Variants in EXT2 observed in about 807,000 individuals in gnomAD.
The protein encoded by EXT2 is exostosin-2.
A neutral mutation model predicts 81.6 loss-of-function variants in EXT2; 53 were observed. The ratio of observed to expected loss-of-function variants is 0.65; its 90% CI spans 0.52 to 0.82. The LOEUF (loss-of-function observed/expected upper bound fraction) is 0.82, where lower values mean the gene tolerates loss of function less well. Among genes scored for constraint, EXT2 ranks in the 40% least tolerant of loss-of-function variants. EXT2 has a pLI of 0.00. For synonymous variants in EXT2, 320 were observed against 340.0 expected (o/e 0.94, Z 0.65); for missense variants, 774 against 910.2 (o/e 0.85, Z 1.93).
At chr11:44,119,494 G>A (rs1278129412) in intron 4 of EXT2, among the ~76,000 whole-genome samples, 3 of 152,122 alleles carry the variant, frequency 2.0e-5, no homozygotes, top group African/African-American at 4.8e-5. Context: ...AAGGGAGCTC[G>A]TCAGAGACTT....
chr11:44,200,219 C>T (rs186365725), intron 9 of EXT2, among the ~76,000 whole-genome samples: 80 of 150,026 alleles, frequency 5.3e-4, no homozygotes, highest in Admixed American at 1.5e-3. Context: ...TTCGCTTTCT[C>T]TACATTTACT....
intron 12 of EXT2, 114 bp from the exon 13 acceptor site, chr11:44,236,179 A>C: frequency 1.2e-6 from 1 of 854,236 alleles, no homozygotes; most frequent in South Asian, 1.4e-5. Flanking sequence ...GTGTGTGTGC[A>C]CGCGCATGCA....
At chr11:44,242,019 C>T (rs1206121069) in intron 13 of EXT2, among the ~76,000 whole-genome samples, 1 of 152,190 alleles carries the variant, frequency 6.6e-6, no homozygotes, top group Non-Finnish European at 1.5e-5. Context: ...GGCCTGAGCC[C>T]CAGTGGCTTC....
chr11:44,217,135 A>G (rs1410951738), intron 10 of EXT2, among the ~76,000 whole-genome samples: 1 of 151,604 alleles, frequency 6.6e-6, no homozygotes, highest in African/African-American at 2.4e-5. Flanking sequence ...AGATCTTAGG[A>G]TCATCCTGTC....
At chr11:44,221,864 G>A (rs1453702330) in intron 10 of EXT2, among the ~76,000 whole-genome samples, 1 of 152,202 alleles carries the variant, frequency 6.6e-6, no homozygotes, top group Non-Finnish European at 1.5e-5. Context: ...GCAGTGGTTG[G>A]TGATTGCTAT....
chr11:44,237,907 A>AC lies in EXT2; in HGVS notation c.2018+1532_2018+1533insC, dbSNP rs1289879103. On this transcript the variant is annotated intron_variant, in intron 13 of 13. Coordinates refer to ENST00000533608, the MANE Select transcript of EXT2 (RefSeq NM_207122.2). ...GGTGAAACCCCGTCTCTACTTAAAA[A>AC]AAAAAAAAAAAAAAAAAAAAAAACA... 1.5e-5 allele frequency among the ~76,000 whole-genome samples: 2 copies of AC among 135,914 alleles called. 1 individual carries two copies. Among genetic ancestry groups the AC allele is most frequent in the East Asian group, 4.8e-4 (2 of 4,196 alleles). 89.2% of individuals were successfully genotyped at this position (135,914 alleles called of 152,430 possible). A position where few individuals can be genotyped will look rare whatever the true frequency, so the allele number is the denominator to read the frequency against.
intron 10 of EXT2, among the ~76,000 whole-genome samples, chr11:44,228,204 G>T (rs1955859212): frequency 6.6e-6 from 1 of 152,152 alleles, no homozygotes; most frequent in African/African-American, 2.4e-5. Context: ...ATATATGGAG[G>T]ATTTCAACAG....
chr11:44,119,156 A>G (rs1393006415), intron 4 of EXT2, among the ~76,000 whole-genome samples: 7 of 46,746 alleles, frequency 1.5e-4, no homozygotes, highest in Non-Finnish European at 3.1e-4. Context: ...ATATATATAT[A>G]TATATATATA....
chr11:44,119,633 C>T (rs1393814293), intron 4 of EXT2, among the ~76,000 whole-genome samples: 2 of 152,236 alleles, frequency 1.3e-5, no homozygotes, highest in African/African-American at 4.8e-5. Flanking sequence ...AGTTTGGATA[C>T]AGTGAGCCAC....
chr11:44,127,354 G>A (rs1954423312), intron 6 of EXT2, among the ~76,000 whole-genome samples: 1 of 152,192 alleles, frequency 6.6e-6, no homozygotes, highest in Non-Finnish European at 1.5e-5. Context: ...TGCACAGCAG[G>A]AGGTGACCAG....
At position 44,108,182 on chromosome 11, in the gene EXT2, T is replaced by C. The variant is rs780224054; in HGVS notation, c.470T>C (p.Ile157Thr). Residue 157 changes from isoleucine (I) to threonine (T), a missense_variant, in exon 2 of 14, where the codon ATC (isoleucine) becomes ACC (threonine). By Grantham distance (89) the Ile-to-Thr change is moderately conservative. Around this residue, in one of 2 missense-constraint regions of EXT2, gnomAD observed 626 missense variants for 670.5 expected, o/e 0.93. Coordinates refer to ENST00000533608, the MANE Select transcript of EXT2 (RefSeq NM_207122.2). ...CGGGCCTGTCTGTTTGTTCCCTCCA[T>C]CGATGTGCTTAACCAGAACACACTG... ...INRACLFVPSIDVLNQNTLRI... is the reference protein window; with the variant it reads ...INRACLFVPSTDVLNQNTLRI... 6.2e-7 allele frequency: 1 copy of C among 1,613,950 alleles called. No homozygotes were observed. Among genetic ancestry groups the C allele is most frequent in the Non-Finnish European group, 8.5e-7 (1 of 1,180,028 alleles).
chr11:44,130,572 C>G (rs1332225115), intron 7 of EXT2, among the ~76,000 whole-genome samples: 1 of 152,204 alleles, frequency 6.6e-6, no homozygotes, highest in Non-Finnish European at 1.5e-5. Context: ...ATCCTTCCCT[C>G]TCTTCTGGAA....
intron 7 of EXT2, among the ~76,000 whole-genome samples, chr11:44,163,472 T>C (rs897571110): frequency 1.3e-5 from 2 of 152,244 alleles, no homozygotes; most frequent in South Asian, 4.1e-4. Context: ...AAAGAGCCTG[T>C]TGGACACAGG....
intron 13 of EXT2, among the ~76,000 whole-genome samples, chr11:44,239,836 C>A (rs979955132): frequency 2.0e-5 from 3 of 151,746 alleles, no homozygotes; most frequent in Non-Finnish European, 4.4e-5. Flanking sequence ...AAATGTTGAG[C>A]CCAGTCATCC....
At chr11:44,243,584 GAAGT>G (rs1956061367) in intron 13 of EXT2, among the ~76,000 whole-genome samples, 1 of 141,834 alleles carries the variant, frequency 7.1e-6, no homozygotes, top group African/African-American at 2.6e-5. Context: ...TTGAATGAAT[GAAGT>G]GTTTATTGTT....
chr11:44,100,914 C>T (rs1953972403), intron 1 of EXT2, among the ~76,000 whole-genome samples: 1 of 152,118 alleles, frequency 6.6e-6, no homozygotes, highest in African/African-American at 2.4e-5. Flanking sequence ...CAGAGGACAG[C>T]AGTTTCTTCT....
At position 44,250,034 on chromosome 11, in the gene EXT2, C is replaced by T. The variant is rs1956126611; in HGVS notation, c.*5747C>T. On this transcript the variant is annotated 3_prime_UTR_variant, in exon 14 of 14. Coordinates refer to ENST00000533608, the MANE Select transcript of EXT2 (RefSeq NM_207122.2). ...GCAGTGAGCTGAGATTGTGCCACTACACTCCAGCCTGGGCGACAGAGCAAG... is the reference window on the plus strand; with the variant it reads ...GCAGTGAGCTGAGATTGTGCCACTATACTCCAGCCTGGGCGACAGAGCAAG... Among the ~76,000 whole-genome samples the T allele has an allele frequency of 6.6e-6, 1 of 152,236 alleles. No homozygotes were observed. The highest frequency in any genetic ancestry group is 1.5e-5 in the Non-Finnish European group (1 of 68,052).
chr11:44,202,487 G>A (rs1011141441), intron 9 of EXT2, among the ~76,000 whole-genome samples: 1 of 152,170 alleles, frequency 6.6e-6, no homozygotes, highest in Non-Finnish European at 1.5e-5. Flanking sequence ...TAGTGTGTGA[G>A]AGTTTAGAGG....
At chr11:44,129,620 A>G (rs1309085126) in intron 6 of EXT2, among the ~76,000 whole-genome samples, 1 of 152,262 alleles carries the variant, frequency 6.6e-6, no homozygotes, top group Non-Finnish European at 1.5e-5. Flanking sequence ...TGCCAGATAA[A>G]TGAATAGATT....
Sources: gnomAD v4.1 joint callset for allele counts (sites outside exome capture counted in the v4.1 genomes callset) on GRCh38, gnomAD v4.1.1 for gene constraint, gnomAD v4.1.1 regional missense constraint, MANE v1.5 for transcripts, NCBI Gene and HGNC (gene_info 2026-07-23, HGNC 2026-07-21) for gene names.